The following TNXB variants were observed in gnomAD, a reference collection of about 807,000 sequenced individuals.
TNXB encodes the protein tenascin-X.
In TNXB, 183 loss-of-function variants were observed where a neutral mutation model predicts 340.5. The ratio of observed to expected loss-of-function variants is 0.54; its 90% CI spans 0.48 to 0.61. The LOEUF (loss-of-function observed/expected upper bound fraction) is 0.61. Among genes scored for constraint, TNXB ranks in the 20% least tolerant of loss-of-function variants. The probability of loss-of-function intolerance (pLI) is 0.00; values close to 1 mark genes in which losing one functional copy is unlikely to be tolerated. For missense variants in TNXB, 4,613 were observed against 5,446.4 expected (o/e 0.85, Z 4.82); for synonymous variants, 2,121 against 2,314.5 (o/e 0.92, Z 2.40).
In TNXB at chr6:32,070,531, C is replaced by T; in HGVS notation, c.4991-117G>A. 1 of 1,104,492 alleles carries T rather than the reference C, an allele frequency of 9.1e-7. No individual in the cohort carries two copies. The highest frequency in any genetic ancestry group is 1.3e-6 in the Non-Finnish European group (1 of 792,638). The allele number at this position is 1,104,492 out of a possible 1,614,324, so 68.4% of individuals were successfully genotyped here. A position where few individuals can be genotyped will look rare whatever the true frequency, so the allele number is the denominator to read the frequency against. ...GCTCAGTGCTTCCCCAAAATATTTC[C>T]ATCACCTCCCATCCTCACCACCATC... On this transcript the variant is annotated intron_variant, in intron 13 of 43. Coordinates refer to ENST00000644971, the MANE Select transcript of TNXB (RefSeq NM_001365276.2). This position sits in a 1 kb window ranked among gnomAD's most constrained non-coding sequence, Gnocchi z 6.0.
Position 32,052,927 on chromosome 6 carries a change from G to A in TNXB, c.8858C>T (p.Pro2953Leu), listed in dbSNP as rs763958858. The A allele has an allele frequency of 1.4e-5, 22 of 1,612,774 alleles. No individual in the cohort carries two copies. The highest frequency in any genetic ancestry group is 8.0e-5 in the African/African-American group (6 of 75,024). The change falls in exon 26 of 44, where the codon CCG (proline) becomes CTG (leucine). Residue 2953 changes from proline (P) to leucine (L), a missense_variant. By Grantham distance (98) the Pro-to-Leu change is moderately conservative. This residue lies in a region of TNXB where 4,327 missense variants were observed against 4,859.4 expected (regional missense o/e 0.89). Coordinates refer to ENST00000644971, the MANE Select transcript of TNXB (RefSeq NM_001365276.2). The surrounding 1 kb of genome is among the most constrained non-coding windows in gnomAD (Gnocchi z 4.7). ...TGTCACTGTCAGCTCCCCCAGGAGC[G>A]GCTCCTCAGGGGGCTCCGGGGCCTC... The part of the protein sequence containing the change: ...STEAPEPPEE[P>L]LLGELTVTGS...
chr6:32,048,130 A>G, intron 29 of TNXB, 118 bp from the exon 30 acceptor site: 1 of 1,312,768 alleles, frequency 7.6e-7, no homozygotes, highest in Admixed American at 2.2e-5. Context: ...CTGGGCCAGG[A>G]GTAGGAATAA....
chr6:32,079,490 G>T lies in TNXB; in HGVS notation c.4043-125C>A. 1.2e-6 allele frequency: 1 copy of T among 809,322 alleles called. No individual in the cohort carries two copies. The highest frequency in any genetic ancestry group is 1.9e-6 in the Non-Finnish European group (1 of 524,712). The allele number at this position is 809,322 out of a possible 1,614,324, so 50.1% of individuals were successfully genotyped here. ...CTGTAGCCTTTGTATTTGCCATTCG[G>T]TCACTCACGGATGGAGAAGGCTGAG... is the stretch of plus-strand genomic sequence containing the variant. On this transcript the variant is annotated intron_variant, in intron 10 of 43. Coordinates refer to ENST00000644971, the MANE Select transcript of TNXB (RefSeq NM_001365276.2). This position sits in a 1 kb window ranked among gnomAD's most constrained non-coding sequence, Gnocchi z 7.1.
At position 32,053,399 on chromosome 6, in the gene TNXB, A is replaced by G. The variant is rs781570593; in HGVS notation, c.8780T>C (p.Ile2927Thr). 4.6e-5 allele frequency: 74 copies of G among 1,612,416 alleles called. No individual in the cohort carries two copies. Among genetic ancestry groups the G allele is most frequent in the Admixed American group, 8.3e-5 (5 of 59,992 alleles). The change falls in exon 25 of 44, where the codon ATT (isoleucine) becomes ACT (threonine). Residue 2927 changes from isoleucine to threonine, a missense_variant. Physicochemically the swap from Ile to Thr is moderately conservative, Grantham distance 89. This residue lies in a region of TNXB where 4,327 missense variants were observed against 4,859.4 expected (regional missense o/e 0.89). Transcript: ENST00000644971. ...CATCGTACACTCACCTGTCACCCCAATGACAGAGATGGGGCCCACGCGCTG... is the reference window on the plus strand; with the variant it reads ...CATCGTACACTCACCTGTCACCCCAGTGACAGAGATGGGGCCCACGCGCTG... ...GGQRVGPISV[I>T]GVTAAEEETP...
intron 4 of TNXB, among the ~76,000 whole-genome samples, chr6:32,094,493 T>C (rs933170683): frequency 6.6e-6 from 1 of 152,178 alleles, no homozygotes; most frequent in African/African-American, 2.4e-5. Flanking sequence ...CTGAGAAAAG[T>C]GTCCATAAAT....
At chr6:32,105,510 G>C (rs62402715) in intron 1 of TNXB, among the ~76,000 whole-genome samples, 3 of 152,052 alleles carry the variant, frequency 2.0e-5, no homozygotes, top group East Asian at 1.9e-4. Context: ...CTGTATCCCT[G>C]CATCTGGCAC....
intron 22 of TNXB, among the ~76,000 whole-genome samples, chr6:32,057,465 G>T (rs904247789): frequency 1.3e-5 from 2 of 152,118 alleles, no homozygotes; most frequent in African/African-American, 4.8e-5. Flanking sequence ...GCTGCCTCCA[G>T]GCTCCCTGCC....
chr6:32,096,545 TG>T lies in TNXB; in HGVS notation c.1307del (p.Pro436HisfsTer135). On this transcript the variant is annotated frameshift_variant, in exon 3 of 44. Transcript: ENST00000644971. LOFTEE classifies it high-confidence loss of function. ...TGTDCGSRAC[P>X]RDCRGRGRCE... ...AGCGCCCGCGACCTCTACAGTCGCG[TG>T]GGCAGGCGCGCGAGCCGCAATCGGT... 1 of 1,534,612 alleles carries T rather than the reference TG, an allele frequency of 6.5e-7. No individual in the cohort carries two copies.
rs1388865083 is a variant in TNXB, at chr6:32,097,293, C to A, written c.560G>T (p.Cys187Phe). 6.2e-7 allele frequency: 1 copy of A among 1,613,414 alleles called. No individual in the cohort carries two copies. Among genetic ancestry groups the A allele is most frequent in the Non-Finnish European group, 8.5e-7 (1 of 1,179,706 alleles). Residue 187 changes from cysteine (C) to phenylalanine (F), a missense_variant, in exon 3 of 44, where the codon TGC becomes TTC. Cys to Phe is a radical substitution (Grantham distance 205). Around this residue, in one of 7 missense-constraint regions of TNXB, gnomAD observed 4,327 missense variants for 4,859.4 expected, o/e 0.89. Transcript: ENST00000644971. The surrounding 1 kb of genome is among the most constrained non-coding windows in gnomAD (Gnocchi z 5.9). ...PSSPPSASGS[C>F]PDDCNDQGRC... ...ACCCTGATCATTGCAGTCATCTGGG[C>A]AGGACCCCGAGGCTGAGGGTGGGGA...
chr6:32,067,054 C>A lies in TNXB; in HGVS notation c.6544+607G>T, dbSNP rs926337513. Among the ~76,000 whole-genome samples the A allele has an allele frequency of 1.4e-5, 2 of 145,458 alleles. No individual in the cohort carries two copies. Among genetic ancestry groups the A allele is most frequent in the African/African-American group, 2.6e-5 (1 of 39,146 alleles). Reference sequence around the variant, plus strand: ...CTGTGCCAGTACACTCTAGCCCAGGCGACAGAGTGAGACCTTGTCTAAAAA... The same window carrying A: ...CTGTGCCAGTACACTCTAGCCCAGGAGACAGAGTGAGACCTTGTCTAAAAA... On this transcript the variant is annotated intron_variant, in intron 18 of 43. Transcript: ENST00000644971. This position sits in a 1 kb window ranked among gnomAD's most constrained non-coding sequence, Gnocchi z 4.2.
rs58601681 is a variant in TNXB, at chr6:32,101,588, C to CTTT, written c.-8-3385_-8-3383dup. 1.0e-3 allele frequency among the ~76,000 whole-genome samples: 128 copies of CTTT among 126,168 alleles called. 1 individual carries two copies. The highest frequency in any genetic ancestry group is 2.1e-3 in the African/African-American group (69 of 32,994). The allele number at this position is 126,168 out of a possible 152,430, so 82.8% of individuals were successfully genotyped here. On this transcript the variant is annotated intron_variant, in intron 1 of 43. Transcript: ENST00000644971. ...ACAGGCGTGAGCCACCGCACCCAGC[C>CTTT]TTTTTTTTTTTTTTTTTTTTAGTAG...
chr6:32,105,426 T>C (rs957680746), intron 1 of TNXB, among the ~76,000 whole-genome samples: 8 of 152,248 alleles, frequency 5.3e-5, no homozygotes, highest in Non-Finnish European at 1.0e-4. Flanking sequence ...GTGAGATTAT[T>C]TTATTACTTT....
At position 32,062,991 on chromosome 6, in the gene TNXB, C is replaced by A. The variant is rs1285131129; in HGVS notation, c.6842-508G>T. ...AATGGCATGAACCCAGGAGGCGGAG[C>A]TTGCGGTGAGCCAAGATCACGCCAC... is the stretch of plus-strand genomic sequence containing the variant. On this transcript the variant is annotated intron_variant, in intron 19 of 43. Transcript: ENST00000644971. This position sits in a 1 kb window ranked among gnomAD's most constrained non-coding sequence, Gnocchi z 4.3. Among the ~76,000 whole-genome samples, 1 of 151,802 alleles carries A rather than the reference C, an allele frequency of 6.6e-6. No individual in the cohort carries two copies. The highest frequency in any genetic ancestry group is 2.4e-5 in the African/African-American group (1 of 41,252).
rs1582357151 is a variant in TNXB, at chr6:32,051,902, T to A, written c.9115+768A>T. On this transcript the variant is annotated intron_variant, in intron 26 of 43. Coordinates refer to ENST00000644971, the MANE Select transcript of TNXB (RefSeq NM_001365276.2). The surrounding 1 kb of genome is among the most constrained non-coding windows in gnomAD (Gnocchi z 4.7). ...AAATTCATAGAGACAGAGAGTAGAA[T>A]GGTGTTGCCAGGGGCTGGGGCAAGG... is the stretch of plus-strand genomic sequence containing the variant. Among the ~76,000 whole-genome samples the A allele has an allele frequency of 1.3e-5, 2 of 152,156 alleles. No individual in the cohort carries two copies.
At position 32,096,882 on chromosome 6, in the gene TNXB, C is replaced by T; in HGVS notation, c.971G>A (p.Gly324Glu). The T allele has an allele frequency of 1.9e-6, 3 of 1,609,218 alleles. No homozygotes were observed. Among genetic ancestry groups the T allele is most frequent in the South Asian group, 2.2e-5 (2 of 90,038 alleles). ...GCSQRGRCKDGRCVCDPGYTG... is the reference protein window; with the variant it reads ...GCSQRGRCKDERCVCDPGYTG... ...GTAGCCGGGGTCACACACGCAGCGC[C>T]CGTCCTTGCAGCGTCCCCGCTGGCT... The change falls in exon 3 of 44, where the codon GGG becomes GAG. Residue 324 changes from glycine to glutamate, a missense_variant. Gly to Glu is a moderately conservative substitution (Grantham distance 98). Coordinates refer to ENST00000644971, the MANE Select transcript of TNXB (RefSeq NM_001365276.2).
intron 24 of TNXB, among the ~76,000 whole-genome samples, chr6:32,054,076 C>G (rs922363859): frequency 1.3e-5 from 2 of 152,170 alleles, no homozygotes; most frequent in Non-Finnish European, 2.9e-5. Flanking sequence ...GCTCAGCACA[C>G]TCCTCCCGAG....
rs1355021413 is a variant in TNXB at position 32,052,712 on chromosome 6, C to T, written c.9073G>A (p.Glu3025Lys). 1.1e-5 allele frequency: 18 copies of T among 1,613,640 alleles called. No homozygotes were observed. The highest frequency in any genetic ancestry group is 2.2e-5 in the South Asian group (2 of 91,092). Reference protein sequence around the residue: ...KYKMHLYGLHEGQRVGPVSAV... With the variant: ...KYKMHLYGLHKGQRVGPVSAV... ...GACACTGGGCCCACGCGCTGCCCCTCGTGGAGGCCGTACAGGTGCATCTTG... is the reference window on the plus strand; with the variant it reads ...GACACTGGGCCCACGCGCTGCCCCTTGTGGAGGCCGTACAGGTGCATCTTG... Residue 3025 changes from glutamate (E) to lysine (K), a missense_variant, in exon 26 of 44, where the codon GAG becomes AAG. By Grantham distance (56) the Glu-to-Lys change is moderately conservative. Around this residue, in one of 7 missense-constraint regions of TNXB, gnomAD observed 4,327 missense variants for 4,859.4 expected, o/e 0.89. Transcript: ENST00000644971. The surrounding 1 kb of genome is among the most constrained non-coding windows in gnomAD (Gnocchi z 4.7).
At chr6:32,088,158 GC>G (rs1402772164) in intron 6 of TNXB, among the ~76,000 whole-genome samples, 1 of 152,082 alleles carries the variant, frequency 6.6e-6, no homozygotes, top group African/African-American at 2.4e-5. Context: ...GTGTCCCGCA[GC>G]CCCCCCATTC....
rs748278995 is a variant in TNXB at position 32,097,779 on chromosome 6, T to C, written c.403+17A>G. The C allele has an allele frequency of 6.7e-7, 1 of 1,498,376 alleles. No homozygotes were observed. Among genetic ancestry groups the C allele is most frequent in the East Asian group, 2.3e-5 (1 of 43,712 alleles). 92.8% of individuals were successfully genotyped at this position (1,498,376 alleles called of 1,614,324 possible). On this transcript the variant is annotated intron_variant, in intron 2 of 43. Coordinates refer to ENST00000644971, the MANE Select transcript of TNXB (RefSeq NM_001365276.2). This position sits in a 1 kb window ranked among gnomAD's most constrained non-coding sequence, Gnocchi z 5.9. ...CCCACCCCACCTCTCCACCCTCTTC[T>C]GTGATCACCTGCTCACCTGTGCCAG...
Sources: allele counts gnomAD v4.1 joint callset (sites outside exome capture counted in the v4.1 genomes callset), GRCh38; gene constraint gnomAD v4.1.1; regional missense constraint gnomAD v4.1.1; non-coding constraint Gnocchi (gnomAD v3.1); transcripts MANE v1.5; gene names NCBI Gene and HGNC (gene_info 2026-07-23, HGNC 2026-07-21).